Variants in SAMD4A observed in about 807,000 individuals in gnomAD.
The protein encoded by SAMD4A is sterile alpha motif domain containing 4A.
A neutral mutation model predicts 81.3 loss-of-function variants in SAMD4A; 33 were observed. The observed-to-expected ratio is 0.41, with a 90% CI of 0.31 to 0.54. The LOEUF (loss-of-function observed/expected upper bound fraction) is 0.54, where lower values mean the gene tolerates loss of function less well. Ranked by LOEUF, SAMD4A falls within the 20% of genes least tolerant of loss-of-function variation. The pLI, the probability that SAMD4A is intolerant of heterozygous loss-of-function variation, is 0.37. For missense variants in SAMD4A, 854 were observed against 951.1 expected, an observed-to-expected ratio of 0.90 and a Z score of 1.34; for synonymous variants, 389 against 382.1, an observed-to-expected ratio of 1.02 and a Z score of -0.21.
intron 2 of SAMD4A, among the ~76,000 whole-genome samples, chr14:54,664,621 C>G (rs866245274): frequency 7.2e-5 from 11 of 151,830 alleles, no homozygotes; most frequent in African/African-American, 2.7e-4. Context: ...CTCTTCTTCT[C>G]TCTCCTTCTT....
In SAMD4A at chr14:54,770,111, C is replaced by G. The variant is rs1389477684; in HGVS notation, c.1604C>G (p.Thr535Arg). 1 of 1,612,416 alleles carries G rather than the reference C, an allele frequency of 6.2e-7. No individual in the cohort carries two copies. Residue 535 changes from threonine (T) to arginine (R), a missense_variant, in exon 9 of 13, where the codon ACA (threonine) becomes AGA (arginine). Coordinates refer to ENST00000554335, the MANE Select transcript of SAMD4A (RefSeq NM_015589.6). ...IDKCLIHEAF[T>R]ETQKKRLLSW... ...TCCTGTTTGTTTTTGCAGGCATTTACAGAGACACAGAAAAAAAGATTGTTG... is the reference window on the plus strand; with the variant it reads ...TCCTGTTTGTTTTTGCAGGCATTTAGAGAGACACAGAAAAAAAGATTGTTG...
At chr14:54,590,952 GT>G (rs1295247231) in intron 2 of SAMD4A, among the ~76,000 whole-genome samples, 1 of 152,180 alleles carries the variant, frequency 6.6e-6, no homozygotes, top group Non-Finnish European at 1.5e-5. Context: ...GAATTTAAAA[GT>G]TTTTAAAATC....
chr14:54,610,278 G>A (rs2034319140), intron 2 of SAMD4A, among the ~76,000 whole-genome samples: 1 of 152,176 alleles, frequency 6.6e-6, no homozygotes, highest in African/African-American at 2.4e-5. Flanking sequence ...CATTGGAAAT[G>A]TCAAGAATGT....
At chr14:54,646,768 A>T (rs1321151587) in intron 2 of SAMD4A, among the ~76,000 whole-genome samples, 4 of 152,240 alleles carry the variant, frequency 2.6e-5, no homozygotes. Context: ...TTTGAATTAG[A>T]ACTCTTCTTC....
intron 11 of SAMD4A, among the ~76,000 whole-genome samples, chr14:54,780,734 A>ACTTTT (rs1279995564): frequency 2.0e-5 from 3 of 152,134 alleles, no homozygotes; most frequent in Non-Finnish European, 4.4e-5. Context: ...TGTACCCATC[A>ACTTTT]CTTTTTGTGA....
At chr14:54,582,474 C>T (rs1487773378) in intron 2 of SAMD4A, among the ~76,000 whole-genome samples, 1 of 152,252 alleles carries the variant, frequency 6.6e-6, no homozygotes, top group African/African-American at 2.4e-5. Context: ...GATGCCTCGT[C>T]GTCCCCTGAG....
intron 6 of SAMD4A, among the ~76,000 whole-genome samples, chr14:54,758,634 G>A (rs1427446603): frequency 3.9e-5 from 6 of 152,120 alleles, no homozygotes; most frequent in African/African-American, 1.4e-4. Context: ...GTTCAAGACC[G>A]GCCTGGCCAA....
At chr14:54,631,282 C>T (rs1403535375) in intron 2 of SAMD4A, among the ~76,000 whole-genome samples, 1 of 152,138 alleles carries the variant, frequency 6.6e-6, no homozygotes, top group African/African-American at 2.4e-5. Context: ...AAATGTTAAT[C>T]TCATCCCAAA....
intron 12 of SAMD4A, among the ~76,000 whole-genome samples, chr14:54,785,211 G>A (rs530184449): frequency 2.6e-5 from 4 of 152,296 alleles, no homozygotes; most frequent in African/African-American, 9.6e-5. Flanking sequence ...AGTTAGAGGC[G>A]CCTGCACGTC....
At chr14:54,574,311 G>A (rs2033221738) in intron 2 of SAMD4A, among the ~76,000 whole-genome samples, 1 of 152,206 alleles carries the variant, frequency 6.6e-6, no homozygotes. Flanking sequence ...AGAGAACAGC[G>A]TGGATTGGGC....
chr14:54,776,586 A>C, intron 11 of SAMD4A, 46 bp downstream of exon 11: 1 of 1,467,530 alleles, frequency 6.8e-7, no homozygotes, highest in Non-Finnish European at 9.0e-7. Context: ...GGGGAGGCCA[A>C]AATAGATGCC....
chr14:54,633,734 G>C (rs1345003803), intron 2 of SAMD4A, among the ~76,000 whole-genome samples: 5 of 152,100 alleles, frequency 3.3e-5, no homozygotes, highest in Non-Finnish European at 7.4e-5. Context: ...ATGACCTTGG[G>C]CAATAATCTC....
At chr14:54,750,025 T>A (rs2038062269) in intron 5 of SAMD4A, among the ~76,000 whole-genome samples, 1 of 152,168 alleles carries the variant, frequency 6.6e-6, no homozygotes, top group Admixed American at 6.5e-5. Flanking sequence ...CATTTCAACT[T>A]CCTAACATTT....
intron 8 of SAMD4A, among the ~76,000 whole-genome samples, chr14:54,768,722 C>T (rs532197568): frequency 8.5e-5 from 13 of 152,344 alleles, no homozygotes; most frequent in African/African-American, 2.9e-4. Context: ...AGGAGAGCCA[C>T]GCCCTCGCCT....
intron 4 of SAMD4A, among the ~76,000 whole-genome samples, chr14:54,742,838 A>T (rs1247912202): frequency 6.6e-6 from 1 of 152,254 alleles, no homozygotes; most frequent in Non-Finnish European, 1.5e-5. Flanking sequence ...ATGGAAATAT[A>T]GCAATTAAGA....
chr14:54,779,552 G>A (rs1050392896), intron 11 of SAMD4A, among the ~76,000 whole-genome samples: 9 of 152,260 alleles, frequency 5.9e-5, no homozygotes, highest in South Asian at 2.1e-4. Context: ...ACCAAGTTGC[G>A]GATCAATTCA....
At chr14:54,706,639 A>G (rs2140776445) in intron 3 of SAMD4A, among the ~76,000 whole-genome samples, 1 of 151,590 alleles carries the variant, frequency 6.6e-6, no homozygotes, top group South Asian at 2.1e-4. Flanking sequence ...GAAAAAAACC[A>G]GGAAAGAAAA....
chr14:54,776,445 A>G lies in SAMD4A; in HGVS notation c.1949A>G (p.Asn650Ser). The change falls in exon 11 of 13, where the codon AAT becomes AGT. Residue 650 changes from asparagine to serine, a missense_variant. Asn to Ser is a conservative substitution (Grantham distance 46, BLOSUM62 1). Transcript: ENST00000554335. ...TGGTTTGCCAACCCCGGGGGCAGCA[A>G]TAGCATGCCAAGCCGCACCCACAGC... is the stretch of plus-strand genomic sequence containing the variant. ...NLWFANPGGSNSMPSRTHSSV... is the reference protein window; with the variant it reads ...NLWFANPGGSSSMPSRTHSSV... The G allele has an allele frequency of 1.3e-6, 2 of 1,594,256 alleles. No individual in the cohort carries two copies. The highest frequency in any genetic ancestry group is 1.7e-6 in the Non-Finnish European group (2 of 1,171,332).
intron 2 of SAMD4A, among the ~76,000 whole-genome samples, chr14:54,602,056 G>C (rs368911371): frequency 4.5e-4 from 69 of 152,234 alleles, no homozygotes; most frequent in African/African-American, 1.5e-3. Flanking sequence ...GGATCCGCCT[G>C]GTACCAGAGA....
Sources: gnomAD v4.1 joint callset for allele counts (sites outside exome capture counted in the v4.1 genomes callset) on GRCh38, gnomAD v4.1.1 for gene constraint, MANE v1.5 for transcripts, NCBI Gene and HGNC (gene_info 2026-07-23, HGNC 2026-07-21) for gene names.